CAMTA1: variants seen among roughly 807,000 people sequenced by gnomAD.
CAMTA1 encodes the protein calmodulin binding transcription activator 1.
In CAMTA1, 27 loss-of-function variants were observed where a neutral mutation model predicts 170.9. That is an observed-to-expected ratio of 0.16 (90% CI 0.12 to 0.22). The LOEUF is 0.22. Among genes scored for constraint, CAMTA1 ranks in the 10% least tolerant of loss-of-function variants. The pLI is 1.00. For synonymous variants in CAMTA1, 833 were observed against 891.5 expected, an observed-to-expected ratio of 0.93 and a Z score of 1.17; for missense variants, 1,619 against 2,217.2, an observed-to-expected ratio of 0.73 and a Z score of 5.42.
At chr1:7,229,516 T>G (rs1455529582) in intron 4 of CAMTA1, among the ~76,000 whole-genome samples, 123 of 20,598 alleles carry the variant, frequency 6.0e-3, no homozygotes, top group African/African-American at 7.1e-3. Flanking sequence ...GGAGAGGAGG[T>G]GGGGGGGTGA....
At chr1:7,713,503 A>G (rs2096586833) in intron 11 of CAMTA1, among the ~76,000 whole-genome samples, 1 of 151,984 alleles carries the variant, frequency 6.6e-6, no homozygotes. Flanking sequence ...GGCGATTATC[A>G]GTTTATAGCA....
chr1:7,323,880 G>A (rs779134061), intron 5 of CAMTA1, among the ~76,000 whole-genome samples: 7 of 152,130 alleles, frequency 4.6e-5, no homozygotes, highest in Non-Finnish European at 7.3e-5. Context: ...CCCTGTGGTC[G>A]TGCTTTGTGA....
chr1:6,926,892 A>C (rs1323149201), intron 3 of CAMTA1, among the ~76,000 whole-genome samples: 1 of 151,872 alleles, frequency 6.6e-6, no homozygotes, highest in Non-Finnish European at 1.5e-5. Flanking sequence ...CACCATGCCC[A>C]GCTAACTCTT....
chr1:7,677,500 T>C (rs2096134039), intron 10 of CAMTA1, 99 bp from the exon 11 acceptor site: 10 of 1,326,632 alleles, frequency 7.5e-6, no homozygotes, highest in African/African-American at 1.5e-5. Flanking sequence ...CATTAACCAA[T>C]GAAGGGTAGT....
At chr1:7,653,044 G>A (rs957703381) in intron 7 of CAMTA1, among the ~76,000 whole-genome samples, 3 of 151,958 alleles carry the variant, frequency 2.0e-5, no homozygotes, top group African/African-American at 7.3e-5. Flanking sequence ...AGTGTGCCTC[G>A]AAGGCCTATT....
intron 3 of CAMTA1, among the ~76,000 whole-genome samples, chr1:6,883,501 A>T (rs1483273747): frequency 6.6e-6 from 1 of 152,120 alleles, no homozygotes; most frequent in East Asian, 1.9e-4. Flanking sequence ...TTGCCAGGTG[A>T]GTACAGTGGA....
At chr1:7,316,203 C>A (rs965575903) in intron 5 of CAMTA1, among the ~76,000 whole-genome samples, 14 of 152,176 alleles carry the variant, frequency 9.2e-5, no homozygotes, top group African/African-American at 2.9e-4. Context: ...TGGGGATTAA[C>A]AATCCAAGAT....
chr1:7,466,251 A>G (rs2093208699), intron 5 of CAMTA1, among the ~76,000 whole-genome samples: 2 of 152,266 alleles, frequency 1.3e-5, no homozygotes, highest in Non-Finnish European at 1.5e-5. Context: ...AGAAAAGTCA[A>G]GAAAGAATAT....
At chr1:7,541,611 A>G (rs1269716974) in intron 6 of CAMTA1, among the ~76,000 whole-genome samples, 1 of 152,262 alleles carries the variant, frequency 6.6e-6, no homozygotes, top group Non-Finnish European at 1.5e-5. Flanking sequence ...TTTAAGTTAT[A>G]GTTTATTAAA....
chr1:7,108,197 T>A (rs1321688445), intron 4 of CAMTA1, among the ~76,000 whole-genome samples: 1 of 152,096 alleles, frequency 6.6e-6, no homozygotes, highest in Non-Finnish European at 1.5e-5. Flanking sequence ...CCGAAGCGCT[T>A]GGTGGTCAAG....
At chr1:6,935,918 G>A (rs1396902066) in intron 3 of CAMTA1, among the ~76,000 whole-genome samples, 1 of 152,154 alleles carries the variant, frequency 6.6e-6, no homozygotes, top group Non-Finnish European at 1.5e-5. Flanking sequence ...TCAGAAGGTG[G>A]CAGGTCGGAA....
intron 3 of CAMTA1, among the ~76,000 whole-genome samples, chr1:7,002,664 GT>G (rs1166872952): frequency 1.3e-5 from 2 of 152,214 alleles, no homozygotes; most frequent in Non-Finnish European, 2.9e-5. Context: ...TGCTAGTTCA[GT>G]TACTCAACCG....
intron 4 of CAMTA1, among the ~76,000 whole-genome samples, chr1:7,192,500 A>G (rs1654725170): frequency 6.6e-6 from 1 of 152,210 alleles, no homozygotes; most frequent in Non-Finnish European, 1.5e-5. Context: ...AGGGCCTGGG[A>G]TCTCAAATCT....
intron 3 of CAMTA1, among the ~76,000 whole-genome samples, chr1:6,859,928 A>G (rs1664026652): frequency 6.6e-6 from 1 of 152,254 alleles, no homozygotes; most frequent in Non-Finnish European, 1.5e-5. Flanking sequence ...CCCAACAGGT[A>G]GAAGACTCAG....
intron 11 of CAMTA1, among the ~76,000 whole-genome samples, chr1:7,704,524 C>T (rs1404928658): frequency 1.4e-5 from 2 of 147,824 alleles, no homozygotes; most frequent in Non-Finnish European, 3.0e-5. Flanking sequence ...GCCGGGCCCC[C>T]GCCGTCCAGC....
chr1:7,664,952 C>G lies in CAMTA1; in HGVS notation c.2405C>G (p.Ala802Gly). ...CAGCTGGTGTCGGGGGACAGCACGG[C>G]GCTCTCACAGTCAGAGGACGGGGCG... ...GHQLVSGDSTALSQSEDGARA... is the reference protein window; with the variant it reads ...GHQLVSGDSTGLSQSEDGARA... Residue 802 changes from alanine to glycine, a missense_variant, in exon 9 of 23, where the codon GCG (alanine) becomes GGG (glycine). This residue lies in a region of CAMTA1 where 731 missense variants were observed against 907.6 expected (regional missense o/e 0.81). Transcript: ENST00000303635. 6.2e-7 allele frequency: 1 copy of G among 1,612,884 alleles called. No homozygotes were observed. The highest frequency in any genetic ancestry group is 8.5e-7 in the Non-Finnish European group (1 of 1,179,904).
chr1:6,992,479 A>G (rs1265171295), intron 3 of CAMTA1, among the ~76,000 whole-genome samples: 1 of 152,216 alleles, frequency 6.6e-6, no homozygotes, highest in African/African-American at 2.4e-5. Context: ...TAGAAGCCTT[A>G]TAATGCTAGC....
At chr1:7,502,182 G>T (rs1301954514) in intron 6 of CAMTA1, among the ~76,000 whole-genome samples, 1 of 152,184 alleles carries the variant, frequency 6.6e-6, no homozygotes, top group African/African-American at 2.4e-5. Flanking sequence ...TTACAGGGTG[G>T]TCTCCACCCC....
At chr1:6,943,161 T>C (rs552100640) in intron 3 of CAMTA1, among the ~76,000 whole-genome samples, 1 of 152,034 alleles carries the variant, frequency 6.6e-6, no homozygotes, top group African/African-American at 2.4e-5. Flanking sequence ...ACACAGCCAC[T>C]CCGGCCCTCC....
Sources: gnomAD v4.1 joint callset for allele counts (sites outside exome capture counted in the v4.1 genomes callset) on GRCh38, gnomAD v4.1.1 for gene constraint, gnomAD v4.1.1 regional missense constraint, MANE v1.5 for transcripts, NCBI Gene and HGNC (gene_info 2026-07-23, HGNC 2026-07-21) for gene names.